SEMA5A: variants seen among roughly 807,000 people sequenced by gnomAD.
SEMA5A encodes the protein semaphorin 5A, also known as semaphorin-5A.
SEMA5A carries 55 observed loss-of-function variants against 135.5 expected under a neutral mutation model. That is an observed-to-expected ratio of 0.41 (90% CI 0.33 to 0.51). SEMA5A has a LOEUF of 0.51. Ranked by LOEUF, SEMA5A falls within the 20% of genes least tolerant of loss-of-function variation. The pLI is 0.37. For synonymous variants in SEMA5A, 580 were observed against 546.5 expected, an observed-to-expected ratio of 1.06 and a Z score of -0.85; for missense variants, 1,290 against 1,419.9, an observed-to-expected ratio of 0.91 and a Z score of 1.47.
chr5:9,219,484 G>T (rs774041057), intron 8 of SEMA5A, among the ~76,000 whole-genome samples: 7 of 152,146 alleles, frequency 4.6e-5, no homozygotes, highest in Non-Finnish European at 7.3e-5. Flanking sequence ...CAAAAACAGG[G>T]TCTTCAAGTG....
intron 3 of SEMA5A, among the ~76,000 whole-genome samples, chr5:9,371,976 C>A (rs1755156129): frequency 6.6e-6 from 1 of 152,202 alleles, no homozygotes; most frequent in African/African-American, 2.4e-5. Context: ...GTCATGCTAT[C>A]TATTTCTAAT....
rs181227367 is a variant in SEMA5A at position 9,433,866 on chromosome 5, A to G, written c.-78+3890T>C. Among the ~76,000 whole-genome samples, 13 of 152,328 alleles carry G rather than the reference A, an allele frequency of 8.5e-5. No individual in the cohort carries two copies. In the East Asian group the frequency reaches 2.5e-3, roughly 29 times the overall value. Reference sequence around the variant, plus strand: ...ATACTTTTACAAAGCCAACTGGCAGATTTTTAAGACTCCCTGGGTTTTATG... The same window carrying G: ...ATACTTTTACAAAGCCAACTGGCAGGTTTTTAAGACTCCCTGGGTTTTATG... On this transcript the variant is annotated intron_variant, in intron 2 of 22. Coordinates refer to ENST00000382496, the MANE Select transcript of SEMA5A (RefSeq NM_003966.3).
intron 16 of SEMA5A, among the ~76,000 whole-genome samples, chr5:9,071,201 T>C (rs1323721097): frequency 6.6e-6 from 1 of 152,166 alleles, no homozygotes; most frequent in Non-Finnish European, 1.5e-5. Context: ...AAGCACTCAT[T>C]TAAATGTTTA....
At chr5:9,119,901 T>C (rs982582348) in intron 14 of SEMA5A, among the ~76,000 whole-genome samples, 2 of 151,696 alleles carry the variant, frequency 1.3e-5, no homozygotes, top group Non-Finnish European at 1.5e-5. Flanking sequence ...GTAATGTAGA[T>C]ATATAAAAAT....
chr5:9,266,949 T>C (rs550213057), intron 5 of SEMA5A, among the ~76,000 whole-genome samples: 4 of 152,140 alleles, frequency 2.6e-5, no homozygotes, highest in Non-Finnish European at 5.9e-5. Context: ...AGATTTTAAG[T>C]ATGCACCTAA....
chr5:9,100,485 G>A (rs1449518201), intron 16 of SEMA5A, among the ~76,000 whole-genome samples: 2 of 152,242 alleles, frequency 1.3e-5, no homozygotes, highest in Non-Finnish European at 2.9e-5. Context: ...AGCTGGGAAG[G>A]TGACACACTC....
rs1020562220 is a variant in SEMA5A, at chr5:9,041,533, C to G, written c.*1364G>C. ...AATGGTGTTAGCACACTCTTAAATG[C>G]TTATCGATGATCAGTGAAGAGACCA... is the stretch of plus-strand genomic sequence containing the variant. On this transcript the variant is annotated 3_prime_UTR_variant, in exon 23 of 23. Coordinates refer to ENST00000382496, the MANE Select transcript of SEMA5A (RefSeq NM_003966.3). 1 of 152,210 alleles carries G rather than the reference C, an allele frequency of 6.6e-6. No homozygotes were observed. The highest frequency in any genetic ancestry group is 6.5e-5 in the Admixed American group (1 of 15,288). 9.4% of individuals were successfully genotyped at this position (152,210 alleles called of 1,614,324 possible).
At chr5:9,381,907 C>A (rs1216765370) in intron 2 of SEMA5A, among the ~76,000 whole-genome samples, 3 of 149,040 alleles carry the variant, frequency 2.0e-5, no homozygotes, top group Non-Finnish European at 3.0e-5. Flanking sequence ...GGATAAACAG[C>A]AGATGGATTT....
At chr5:9,515,116 A>T (rs1172805247) in intron 1 of SEMA5A, among the ~76,000 whole-genome samples, 1 of 152,232 alleles carries the variant, frequency 6.6e-6, no homozygotes, top group Non-Finnish European at 1.5e-5. Context: ...ATGAGCCTAC[A>T]GTTGCAAAAA....
At chr5:9,266,778 C>G (rs1485942337) in intron 5 of SEMA5A, among the ~76,000 whole-genome samples, 1 of 152,210 alleles carries the variant, frequency 6.6e-6, no homozygotes, top group Non-Finnish European at 1.5e-5. Context: ...CCCTGTGTAA[C>G]TCACTACTGA....
Position 9,337,855 on chromosome 5 carries a change from ATT to A in SEMA5A, c.125-45_125-44del. ...ATAAATAAAAAGATAAAAATGAATT[ATT>A]TTTCCTCTGGGGACCACAGATAGTG... is the stretch of plus-strand genomic sequence containing the variant. On this transcript the variant is annotated intron_variant, in intron 3 of 22. Coordinates refer to ENST00000382496, the MANE Select transcript of SEMA5A (RefSeq NM_003966.3). 4 of 1,397,918 alleles carry A rather than the reference ATT, an allele frequency of 2.9e-6. No homozygotes were observed. In the South Asian group the frequency reaches 5.1e-5, roughly 18 times the overall value. The allele number at this position is 1,397,918 out of a possible 1,614,324, so 86.6% of individuals were successfully genotyped here. A position where few individuals can be genotyped will look rare whatever the true frequency, so the allele number is the denominator to read the frequency against.
At chr5:9,162,589 C>CATATAG (rs1453805492) in intron 11 of SEMA5A, among the ~76,000 whole-genome samples, 1 of 100,102 alleles carries the variant, frequency 1.0e-5, no homozygotes, top group East Asian at 3.8e-4. Flanking sequence ...TATATATACA[C>CATATAG]ACACACACAC....
chr5:9,067,463 G>A (rs928411664), intron 16 of SEMA5A, among the ~76,000 whole-genome samples: 1 of 152,106 alleles, frequency 6.6e-6, no homozygotes, highest in African/African-American at 2.4e-5. Flanking sequence ...TTACACCAAC[G>A]GGTTTCACTG....
At chr5:9,299,315 A>T (rs901404961) in intron 5 of SEMA5A, among the ~76,000 whole-genome samples, 1 of 152,126 alleles carries the variant, frequency 6.6e-6, no homozygotes, top group Non-Finnish European at 1.5e-5. Flanking sequence ...ACCTGGCAGG[A>T]ATTGATGTGG....
chr5:9,075,690 G>A (rs547622613), intron 16 of SEMA5A, among the ~76,000 whole-genome samples: 1 of 152,234 alleles, frequency 6.6e-6, no homozygotes, highest in African/African-American at 2.4e-5. Context: ...TCAGGGAGGT[G>A]TTGCAAAAGG....
At chr5:9,468,429 T>C (rs908542273) in intron 1 of SEMA5A, among the ~76,000 whole-genome samples, 1 of 152,140 alleles carries the variant, frequency 6.6e-6, no homozygotes, top group Admixed American at 6.5e-5. Flanking sequence ...AAGTGTAGGT[T>C]TGCGAACTAA....
intron 4 of SEMA5A, among the ~76,000 whole-genome samples, chr5:9,327,551 C>T (rs17196579): frequency 6.6e-6 from 1 of 151,894 alleles, no homozygotes; most frequent in Admixed American, 6.6e-5. Context: ...TTAAAAGGTG[C>T]AAAAATAGAT....
At chr5:9,364,209 T>C (rs887989595) in intron 3 of SEMA5A, among the ~76,000 whole-genome samples, 1 of 152,230 alleles carries the variant, frequency 6.6e-6, no homozygotes, top group Non-Finnish European at 1.5e-5. Flanking sequence ...TTCCAAAGAT[T>C]GCCCTTAAGA....
intron 5 of SEMA5A, among the ~76,000 whole-genome samples, chr5:9,268,959 A>T (rs771622427): frequency 2.0e-5 from 3 of 152,132 alleles, no homozygotes; most frequent in Non-Finnish European, 4.4e-5. Context: ...AAGAGCTAGG[A>T]AGGCATACAA....
Sources: allele counts gnomAD v4.1 joint callset (sites outside exome capture counted in the v4.1 genomes callset), GRCh38; gene constraint gnomAD v4.1.1; transcripts MANE v1.5; gene names NCBI Gene and HGNC (gene_info 2026-07-23, HGNC 2026-07-21).